The following NRXN1 variants were observed in gnomAD, a reference collection of about 807,000 sequenced individuals.
The protein encoded by NRXN1 is neurexin 1, also known as neurexin-1.
NRXN1 carries 39 observed loss-of-function variants against 150.9 expected under a neutral mutation model. That is an observed-to-expected ratio of 0.26 (90% CI 0.20 to 0.34). NRXN1 has a LOEUF of 0.34. NRXN1 is among the 10% of genes least tolerant of loss of function. NRXN1 has a pLI of 1.00. For synonymous variants in NRXN1, 924 were observed against 757.0 expected (o/e 1.22, Z -3.62); for missense variants, 1,815 against 1,949.9 (o/e 0.93, Z 1.30).
chr2:49,957,529 C>A (rs923130617), intron 21 of NRXN1, among the ~76,000 whole-genome samples: 3 of 152,164 alleles, frequency 2.0e-5, no homozygotes, highest in African/African-American at 7.2e-5. Context: ...TAAATTCACA[C>A]ATCCATGTTT....
chr2:50,048,916 C>A (rs1249675824), intron 21 of NRXN1, among the ~76,000 whole-genome samples: 1 of 152,054 alleles, frequency 6.6e-6, no homozygotes, highest in East Asian at 1.9e-4. Flanking sequence ...AAACTATAGT[C>A]AAAAACCAGA....
chr2:50,730,668 T>C (rs928166389), intron 5 of NRXN1, among the ~76,000 whole-genome samples: 5 of 92,674 alleles, frequency 5.4e-5, no homozygotes, highest in Non-Finnish European at 1.1e-4. Context: ...ATCTTTCTTG[T>C]TTTCTTTTTT....
Position 50,404,199 on chromosome 2 carries a change from GTTT to G in NRXN1, c.3364+61240_3364+61242del, listed in dbSNP as rs869183344. Among the ~76,000 whole-genome samples, 7 of 146,370 alleles carry G rather than the reference GTTT, an allele frequency of 4.8e-5. No homozygotes were observed. In the Admixed American group the frequency reaches 4.8e-4, roughly 10 times the overall value. ...TTTTGTTGTTGTTGTTGTTGTTGTT[GTTT>G]TTGGTCATAGCTATGCTCTATTTAA... On this transcript the variant is annotated intron_variant, in intron 17 of 22. Coordinates refer to ENST00000401669, the MANE Select transcript of NRXN1 (RefSeq NM_001330078.2).
intron 17 of NRXN1, among the ~76,000 whole-genome samples, chr2:50,396,446 C>T (rs2082055081): frequency 6.6e-6 from 1 of 152,124 alleles, no homozygotes; most frequent in South Asian, 2.1e-4. Context: ...CATCCACATT[C>T]CTGCTACAAA....
chr2:50,960,410 T>G (rs1322687404), intron 2 of NRXN1, among the ~76,000 whole-genome samples: 1 of 146,200 alleles, frequency 6.8e-6, no homozygotes, highest in African/African-American at 2.5e-5. Flanking sequence ...TTAGGGTAAA[T>G]GTACTCCGCA....
At chr2:50,128,402 G>C (rs535988236) in intron 18 of NRXN1, among the ~76,000 whole-genome samples, 2 of 152,016 alleles carry the variant, frequency 1.3e-5, no homozygotes, top group Non-Finnish European at 2.9e-5. Flanking sequence ...TAAAGTATTC[G>C]AACTAAAATA....
chr2:50,491,435 T>A (rs1337499748), intron 15 of NRXN1, among the ~76,000 whole-genome samples: 2 of 152,100 alleles, frequency 1.3e-5, no homozygotes, highest in Non-Finnish European at 2.9e-5. Context: ...TTAGGGACAT[T>A]TAAGTGGCTT....
intron 5 of NRXN1, among the ~76,000 whole-genome samples, chr2:50,675,119 C>G (rs370827782): frequency 1.3e-5 from 2 of 152,024 alleles, no homozygotes; most frequent in South Asian, 4.1e-4. Flanking sequence ...CTTTCTGAGG[C>G]CTCACCAGAA....
chr2:50,310,424 T>C (rs534371155), intron 17 of NRXN1, among the ~76,000 whole-genome samples: 1 of 152,270 alleles, frequency 6.6e-6, no homozygotes, highest in Admixed American at 6.5e-5. Context: ...GCAATGATCC[T>C]TTGTGCCCAG....
At chr2:50,086,920 T>C (rs1164443074) in intron 19 of NRXN1, among the ~76,000 whole-genome samples, 1 of 152,040 alleles carries the variant, frequency 6.6e-6, no homozygotes, top group African/African-American at 2.4e-5. Flanking sequence ...GTATTTTGCA[T>C]TCATCTTGTT....
intron 18 of NRXN1, among the ~76,000 whole-genome samples, chr2:50,228,292 G>T (rs368986814): frequency 7.2e-5 from 11 of 151,984 alleles, no homozygotes; most frequent in South Asian, 2.1e-4. Context: ...TATATGAGTA[G>T]TAGAAAATTA....
chr2:50,370,072 T>C (rs1428564190), intron 17 of NRXN1, among the ~76,000 whole-genome samples: 1 of 152,112 alleles, frequency 6.6e-6, no homozygotes, highest in Non-Finnish European at 1.5e-5. Flanking sequence ...CTCCATTATC[T>C]ACTCCTATAC....
At chr2:50,323,284 T>G (rs1195507028) in intron 17 of NRXN1, among the ~76,000 whole-genome samples, 3 of 152,098 alleles carry the variant, frequency 2.0e-5, no homozygotes, top group African/African-American at 7.2e-5. Flanking sequence ...ATTTATGAGG[T>G]CTGGGTGGAA....
At chr2:50,273,404 T>C (rs2069974134) in intron 17 of NRXN1, among the ~76,000 whole-genome samples, 1 of 152,184 alleles carries the variant, frequency 6.6e-6, no homozygotes, top group Admixed American at 6.5e-5. Flanking sequence ...TTTGTCTATG[T>C]CTTAACCCAA....
chr2:50,009,844 T>C (rs1342359518), intron 21 of NRXN1, among the ~76,000 whole-genome samples: 1 of 152,138 alleles, frequency 6.6e-6, no homozygotes, highest in Non-Finnish European at 1.5e-5. Flanking sequence ...AAAATTATAA[T>C]TACATTTGCA....
chr2:50,943,191 G>A (rs1353264831), intron 2 of NRXN1, among the ~76,000 whole-genome samples: 1 of 152,122 alleles, frequency 6.6e-6, no homozygotes, highest in Non-Finnish European at 1.5e-5. Context: ...TCCCAGCCAT[G>A]AGGAACTGTA....
chr2:50,462,881 T>G (rs1465681268), intron 17 of NRXN1, among the ~76,000 whole-genome samples: 1 of 151,794 alleles, frequency 6.6e-6, no homozygotes, highest in East Asian at 1.9e-4. Context: ...TCTATAAACC[T>G]TATCAGCGAG....
At chr2:50,474,583 G>A (rs748973257) in intron 15 of NRXN1, among the ~76,000 whole-genome samples, 3 of 144,346 alleles carry the variant, frequency 2.1e-5, no homozygotes, top group Non-Finnish European at 4.5e-5. Flanking sequence ...CTGCATGGTG[G>A]ACTTAGATAA....
At chr2:50,576,782 T>C (rs193034858) in intron 8 of NRXN1, among the ~76,000 whole-genome samples, 2 of 152,122 alleles carry the variant, frequency 1.3e-5, no homozygotes, top group Non-Finnish European at 2.9e-5. Flanking sequence ...TTTATATTTC[T>C]CCTAAAAGAT....
Sources: allele counts gnomAD v4.1 joint callset (sites outside exome capture counted in the v4.1 genomes callset), GRCh38; gene constraint gnomAD v4.1.1; transcripts MANE v1.5; gene names NCBI Gene and HGNC (gene_info 2026-07-23, HGNC 2026-07-21).